Variants in ANKRD17 observed in about 807,000 individuals in gnomAD.
ANKRD17 encodes ankyrin repeat domain 17, also known as ankyrin repeat domain-containing protein 17.
A neutral mutation model predicts 229.7 loss-of-function variants in ANKRD17; 19 were observed. The observed-to-expected ratio is 0.08, with a 90% CI of 0.06 to 0.12. ANKRD17 has a LOEUF of 0.12. Ranked by LOEUF, ANKRD17 falls within the 10% of genes least tolerant of loss-of-function variation. The pLI is 1.00. For missense variants in ANKRD17, 2,176 were observed against 3,176.8 expected, an observed-to-expected ratio of 0.68 and a Z score of 7.57; for synonymous variants, 1,112 against 1,146.1, an observed-to-expected ratio of 0.97 and a Z score of 0.60.
At chr4:73,163,536 CACTT>C (rs1004456775) in intron 2 of ANKRD17, among the ~76,000 whole-genome samples, 1 of 152,158 alleles carries the variant, frequency 6.6e-6, no homozygotes, top group African/African-American at 2.4e-5. Flanking sequence ...AAGGACCACT[CACTT>C]GGTAATAAAT....
At chr4:73,123,643 C>T (rs1727049621) in intron 18 of ANKRD17, among the ~76,000 whole-genome samples, 2 of 151,994 alleles carry the variant, frequency 1.3e-5, no homozygotes, top group South Asian at 4.1e-4. Flanking sequence ...GATGACCAAG[C>T]CCTACCCTTA....
intron 16 of ANKRD17, among the ~76,000 whole-genome samples, chr4:73,134,892 A>C (rs1728697427): frequency 6.6e-6 from 1 of 152,196 alleles, no homozygotes; most frequent in South Asian, 2.1e-4. Flanking sequence ...AGTTAAAAAA[A>C]AGGTTACCTG....
chr4:73,242,811 C>T (rs1257242481), intron 1 of ANKRD17, among the ~76,000 whole-genome samples: 1 of 152,182 alleles, frequency 6.6e-6, no homozygotes, highest in Admixed American at 6.5e-5. Flanking sequence ...CACTTCCACC[C>T]ACAAACTTCT....
chr4:73,101,441 G>A (rs555224342), intron 25 of ANKRD17, among the ~76,000 whole-genome samples: 7 of 152,074 alleles, frequency 4.6e-5, no homozygotes, highest in Non-Finnish European at 1.0e-4. Flanking sequence ...AGGCAGGGGG[G>A]ATCACTTGAG....
At chr4:73,186,493 A>G (rs190835971) in intron 1 of ANKRD17, among the ~76,000 whole-genome samples, 1 of 152,266 alleles carries the variant, frequency 6.6e-6, no homozygotes, top group Admixed American at 6.5e-5. Context: ...CCACTGATCT[A>G]TTCTTATATT....
intron 1 of ANKRD17, among the ~76,000 whole-genome samples, chr4:73,223,570 A>AT (rs1229113280): frequency 3.3e-5 from 5 of 152,316 alleles, no homozygotes; most frequent in African/African-American, 9.6e-5. Flanking sequence ...CCTAATGTAG[A>AT]TTTTTTAATA....
At chr4:73,200,807 A>C (rs1463048946) in intron 1 of ANKRD17, among the ~76,000 whole-genome samples, 3 of 152,048 alleles carry the variant, frequency 2.0e-5, no homozygotes, top group Non-Finnish European at 4.4e-5. Context: ...ATACTGTGCT[A>C]GGCACTGAAG....
intron 1 of ANKRD17, among the ~76,000 whole-genome samples, chr4:73,255,212 T>C (rs1051657655): frequency 1.3e-5 from 2 of 152,232 alleles, no homozygotes; most frequent in African/African-American, 2.4e-5. Context: ...AGAAATTATA[T>C]TCTTATTGTT....
At chr4:73,107,469 A>G (rs1724784226) in intron 24 of ANKRD17, among the ~76,000 whole-genome samples, 1 of 152,218 alleles carries the variant, frequency 6.6e-6, no homozygotes, top group South Asian at 2.1e-4. Context: ...ATACAGATAA[A>G]TAGAATGCAT....
chr4:73,095,703 T>A (rs189504400), intron 27 of ANKRD17, among the ~76,000 whole-genome samples: 64 of 152,224 alleles, frequency 4.2e-4, no homozygotes, highest in Admixed American at 1.5e-3. Context: ...TATTATTATT[T>A]TTTTTTTGAC....
intron 1 of ANKRD17, among the ~76,000 whole-genome samples, chr4:73,180,059 C>G (rs1012705190): frequency 6.6e-6 from 1 of 151,694 alleles, no homozygotes; most frequent in Non-Finnish European, 1.5e-5. Flanking sequence ...TGAAATTGAA[C>G]AGGTAAAATG....
At chr4:73,098,721 T>C in intron 25 of ANKRD17, 1 of 897,796 alleles carries the variant, frequency 1.1e-6, no homozygotes, top group Non-Finnish European at 1.8e-6. Context: ...GAATAGCAGG[T>C]AGTTATAAAA....
At chr4:73,258,138 A>T (rs1159001606) in intron 1 of ANKRD17, 138 bp downstream of exon 1, 1 of 1,377,258 alleles carries the variant, frequency 7.3e-7, no homozygotes, top group Non-Finnish European at 9.7e-7. Flanking sequence ...AGGCCGAGGG[A>T]AGAAAGGGGG....
intron 10 of ANKRD17, 128 bp downstream of exon 10, chr4:73,146,636 G>T: frequency 1.4e-6 from 1 of 713,318 alleles, no homozygotes; most frequent in Non-Finnish European, 2.1e-6. Flanking sequence ...AGAAAGAATG[G>T]CAAAAAAATA....
chr4:73,095,989 C>T (rs931939220), intron 27 of ANKRD17, among the ~76,000 whole-genome samples: 4 of 152,040 alleles, frequency 2.6e-5, no homozygotes, highest in African/African-American at 9.7e-5. Flanking sequence ...AGGTGTCAGG[C>T]CCGAATTCCT....
Position 73,076,308 on chromosome 4 carries a change from GC to G in ANKRD17, c.7753-19del, listed in dbSNP as rs1173126795. ...GTCCACACCTATGAATATAGAGCAT[GC>G]ATTTTACAAAATATATATCTAGCAT... is the stretch of plus-strand genomic sequence containing the variant. On this transcript the variant is annotated intron_variant, in intron 33 of 33. Transcript: ENST00000358602. The G allele has an allele frequency of 6.4e-7, 1 of 1,557,342 alleles. No homozygotes were observed. The highest frequency in any genetic ancestry group is 1.4e-5 in the African/African-American group (1 of 71,880).
rs1275609477 is a variant in ANKRD17, at chr4:73,139,446, T to C, written c.3085+85A>G. The C allele has an allele frequency of 1.3e-5, 20 of 1,489,210 alleles. No homozygotes were observed. The East Asian group carries it at 3.4e-4, about 25-fold the overall frequency. The allele number at this position is 1,489,210 out of a possible 1,614,324, so 92.2% of individuals were successfully genotyped here. ...GTCAGTCCAAAAATAGTTCTCAAGTTGGGTAACGGCAAAAAATTTGGGTAC... is the reference window on the plus strand; with the variant it reads ...GTCAGTCCAAAAATAGTTCTCAAGTCGGGTAACGGCAAAAAATTTGGGTAC... On this transcript the variant is annotated intron_variant, in intron 15 of 33. Coordinates refer to ENST00000358602, the MANE Select transcript of ANKRD17 (RefSeq NM_032217.5).
intron 33 of ANKRD17, 61 bp downstream of exon 33, chr4:73,076,879 A>C (rs1230330675): frequency 1.2e-5 from 18 of 1,528,138 alleles, no homozygotes; most frequent in Non-Finnish European, 1.5e-5. Context: ...CCTGAATCCT[A>C]TTTGTCTTTG....
Position 73,121,102 on chromosome 4 carries a change from T to G in ANKRD17, c.3636-8A>C, listed in dbSNP as rs1251310148. 9 of 1,609,854 alleles carry G rather than the reference T, an allele frequency of 5.6e-6. No individual in the cohort carries two copies. Among genetic ancestry groups the G allele is most frequent in the Non-Finnish European group, 6.8e-6 (8 of 1,176,494 alleles). ...CCCAATTTGCTACCAGTTCTAGGGGTGCAGGTATGGGGAAAACAAATGGAA... is the reference window on the plus strand; with the variant it reads ...CCCAATTTGCTACCAGTTCTAGGGGGGCAGGTATGGGGAAAACAAATGGAA... On this transcript the variant is annotated splice_region_variant and splice_polypyrimidine_tract_variant and intron_variant, in intron 19 of 33. Transcript: ENST00000358602.
Sources: gnomAD v4.1 joint callset for allele counts (sites outside exome capture counted in the v4.1 genomes callset) on GRCh38, gnomAD v4.1.1 for gene constraint, MANE v1.5 for transcripts, NCBI Gene and HGNC (gene_info 2026-07-23, HGNC 2026-07-21) for gene names.